Variants in ITPR2 observed in about 807,000 individuals in gnomAD.
ITPR2 encodes inositol 1,4,5-trisphosphate-gated calcium channel ITPR2.
In ITPR2, 207 loss-of-function variants were observed where a neutral mutation model predicts 317.1. That is an observed-to-expected ratio of 0.65 (90% CI 0.58 to 0.73). The LOEUF (loss-of-function observed/expected upper bound fraction) is 0.73, where lower values mean the gene tolerates loss of function less well. Among genes scored for constraint, ITPR2 ranks in the 30% least tolerant of loss-of-function variants. The pLI is 0.00. For synonymous variants in ITPR2, 1,156 were observed against 1,149.1 expected, an observed-to-expected ratio of 1.01 and a Z score of -0.12; for missense variants, 2,613 against 3,284.0, an observed-to-expected ratio of 0.80 and a Z score of 4.99.
In ITPR2 at chr12:26,337,871, G is replaced by A. The variant is rs1392034109; in HGVS notation, c.*1526C>T. The A allele has an allele frequency of 6.6e-6, 1 of 152,190 alleles. No individual in the cohort carries two copies. Among genetic ancestry groups the A allele is most frequent in the Non-Finnish European group, 1.5e-5 (1 of 68,036 alleles). The allele number at this position is 152,190 out of a possible 1,614,324, so 9.4% of individuals were successfully genotyped here. On this transcript the variant is annotated 3_prime_UTR_variant, in exon 57 of 57. Coordinates refer to ENST00000381340, the MANE Select transcript of ITPR2 (RefSeq NM_002223.4). ...CATCTTAACAGTATGTGGAAGGATT[G>A]GTTCAGGCTTCCTTTATATTCTACA...
At chr12:26,575,444 G>A (rs2137063849) in intron 34 of ITPR2, among the ~76,000 whole-genome samples, 1 of 152,064 alleles carries the variant, frequency 6.6e-6, no homozygotes, top group African/African-American at 2.4e-5. Flanking sequence ...AATGCAGAAG[G>A]AGAGTGGGGA....
intron 39 of ITPR2, among the ~76,000 whole-genome samples, chr12:26,488,413 C>G (rs1057216901): frequency 6.6e-6 from 1 of 152,078 alleles, no homozygotes; most frequent in African/African-American, 2.4e-5. Context: ...ACATGACCCA[C>G]AGGTCTTGGG....
chr12:26,472,674 G>A (rs536752314), intron 45 of ITPR2, among the ~76,000 whole-genome samples: 4 of 151,984 alleles, frequency 2.6e-5, no homozygotes, highest in Admixed American at 1.3e-4. Context: ...CTCTTCAAGC[G>A]CTGTAATAAA....
intron 1 of ITPR2, among the ~76,000 whole-genome samples, chr12:26,823,938 G>T (rs61045207): frequency 0.011 from 1,731 of 152,198 alleles, 31 homozygotes; most frequent in African/African-American, 0.04. Flanking sequence ...GAACAAGTCA[G>T]CCATGCTAAA....
chr12:26,500,367 T>C (rs1442822847), intron 37 of ITPR2, among the ~76,000 whole-genome samples: 4 of 123,740 alleles, frequency 3.2e-5, no homozygotes, highest in Admixed American at 3.0e-4. Context: ...ATGAAAAGAA[T>C]TTCACCACAG....
rs1415982882 is a variant in ITPR2 at position 26,711,247 on chromosome 12, G to A, written c.877C>T (p.Arg293Cys). The part of the protein sequence containing the change: ...EIEVVHHDPC[R>C]GGAGQWNSLF... ...CTGTTCCACTGTCCTGCACCCCCAC[G>A]GCATGGGTCATGATGAACCACCTAC... Residue 293 changes from arginine (R) to cysteine (C), a missense_variant, in exon 9 of 57, where the codon CGT becomes TGT. Around this residue, in one of 9 missense-constraint regions of ITPR2, gnomAD observed 515 missense variants for 789.4 expected, o/e 0.65. Coordinates refer to ENST00000381340, the MANE Select transcript of ITPR2 (RefSeq NM_002223.4). The A allele has an allele frequency of 8.1e-6, 13 of 1,613,494 alleles. No homozygotes were observed. The highest frequency in any genetic ancestry group is 5.5e-5 in the South Asian group (5 of 91,074).
chr12:26,627,827 C>T (rs1470496227), intron 23 of ITPR2, among the ~76,000 whole-genome samples: 8 of 151,944 alleles, frequency 5.3e-5, no homozygotes, highest in Non-Finnish European at 8.8e-5. Flanking sequence ...ATGTAGATGA[C>T]GGGTTGATGG....
chr12:26,599,698 A>C (rs1945946308), intron 29 of ITPR2, among the ~76,000 whole-genome samples: 1 of 152,082 alleles, frequency 6.6e-6, no homozygotes, highest in South Asian at 2.1e-4. Flanking sequence ...TATTTACCTT[A>C]CTCATGGTAT....
intron 21 of ITPR2, among the ~76,000 whole-genome samples, chr12:26,632,635 A>G (rs1946781111): frequency 6.6e-6 from 1 of 152,190 alleles, no homozygotes; most frequent in Non-Finnish European, 1.5e-5. Flanking sequence ...ATTAGCCAAT[A>G]CACTTCCCAT....
At chr12:26,371,503 G>A (rs1939188474) in intron 55 of ITPR2, among the ~76,000 whole-genome samples, 1 of 152,236 alleles carries the variant, frequency 6.6e-6, no homozygotes, top group South Asian at 2.1e-4. Context: ...ATTTGAGATA[G>A]TGGTAAACGC....
intron 45 of ITPR2, among the ~76,000 whole-genome samples, chr12:26,470,718 C>T (rs941803074): frequency 6.6e-6 from 1 of 152,048 alleles, no homozygotes. Flanking sequence ...AAGACAAGCA[C>T]CATCATAAAC....
intron 42 of ITPR2, among the ~76,000 whole-genome samples, chr12:26,482,386 A>G (rs1490967408): frequency 6.6e-6 from 1 of 152,226 alleles, no homozygotes; most frequent in Non-Finnish European, 1.5e-5. Flanking sequence ...TTAGTAAATT[A>G]CTTTCAAAGC....
intron 52 of ITPR2, among the ~76,000 whole-genome samples, chr12:26,403,496 T>C (rs1940246928): frequency 6.6e-6 from 1 of 152,092 alleles, no homozygotes; most frequent in Admixed American, 6.6e-5. Context: ...TACACGTGTG[T>C]AGGCCCCGCT....
chr12:26,339,668 C>T (rs1205480641), intron 56 of ITPR2, among the ~76,000 whole-genome samples, 185 bp from the exon 57 acceptor site: 1 of 152,066 alleles, frequency 6.6e-6, no homozygotes, highest in Admixed American at 6.6e-5. Flanking sequence ...AGAGCAAACC[C>T]CTCTGTGTGG....
intron 37 of ITPR2, among the ~76,000 whole-genome samples, chr12:26,533,678 T>A (rs9668087): frequency 0.57 from 85,994 of 151,818 alleles, 28,278 homozygotes; most frequent in Non-Finnish European, 0.76. Context: ...CAGACACACA[T>A]ACAGAAGGAA....
intron 26 of ITPR2, among the ~76,000 whole-genome samples, chr12:26,606,544 C>CTTTT (rs10701661): frequency 0.068 from 9,764 of 143,332 alleles, 409 homozygotes; most frequent in Middle Eastern, 0.13. Flanking sequence ...TAGTTCCTCC[C>CTTTT]TTTTTTTTTT....
At chr12:26,344,329 G>A (rs1015940034) in intron 55 of ITPR2, among the ~76,000 whole-genome samples, 9 of 152,184 alleles carry the variant, frequency 5.9e-5, no homozygotes, top group African/African-American at 2.2e-4. Flanking sequence ...GATTCCAGAG[G>A]GGTTGTTGGG....
intron 37 of ITPR2, among the ~76,000 whole-genome samples, chr12:26,507,766 C>T (rs1369750825): frequency 2.6e-5 from 4 of 151,960 alleles, no homozygotes; most frequent in African/African-American, 9.7e-5. Context: ...GAGGAAGAAT[C>T]ATTTCAGTGA....
chr12:26,594,588 C>G (rs910711440), intron 32 of ITPR2, among the ~76,000 whole-genome samples: 4 of 152,142 alleles, frequency 2.6e-5, no homozygotes, highest in African/African-American at 9.7e-5. Flanking sequence ...GCCAAAGGGG[C>G]TGAGTCCAGC....
Sources: allele counts gnomAD v4.1 joint callset (sites outside exome capture counted in the v4.1 genomes callset), GRCh38; gene constraint gnomAD v4.1.1; regional missense constraint gnomAD v4.1.1; transcripts MANE v1.5; gene names NCBI Gene and HGNC (gene_info 2026-07-23, HGNC 2026-07-21).